The following ARHGAP10 variants were observed in gnomAD, a reference collection of about 807,000 sequenced individuals.
ARHGAP10 encodes Rho GTPase activating protein 10.
ARHGAP10 carries 87 observed loss-of-function variants against 108.6 expected under a neutral mutation model. The ratio of observed to expected loss-of-function variants is 0.80; its 90% confidence interval spans 0.67 to 0.96. ARHGAP10 has a LOEUF of 0.96. ARHGAP10 is among the 40% of genes least tolerant of loss of function. The probability of loss-of-function intolerance (pLI) is 0.00; values close to 1 mark genes in which losing one functional copy is unlikely to be tolerated. For synonymous variants in ARHGAP10, 347 were observed against 341.1 expected, an observed-to-expected ratio of 1.02 and a Z score of -0.19; for missense variants, 939 against 954.5, an observed-to-expected ratio of 0.98 and a Z score of 0.21.
At chr4:147,885,027 C>A (rs1240853126) in intron 10 of ARHGAP10, among the ~76,000 whole-genome samples, 2 of 151,590 alleles carry the variant, frequency 1.3e-5, no homozygotes, top group Non-Finnish European at 2.9e-5. Context: ...GGGGGTGGAG[C>A]CAAGTGGGGT....
chr4:147,906,123 T>C (rs1435059447), intron 10 of ARHGAP10, among the ~76,000 whole-genome samples: 1 of 152,130 alleles, frequency 6.6e-6, no homozygotes, highest in African/African-American at 2.4e-5. Context: ...TTCTTAACGC[T>C]CCTCTGCCAT....
At chr4:147,751,711 CAGTGTTTT>C (rs35458775) in intron 1 of ARHGAP10, among the ~76,000 whole-genome samples, 5,171 of 151,810 alleles carry the variant, frequency 0.034, 302 homozygotes, top group African/African-American at 0.12. Flanking sequence ...AGACTGTGCC[CAGTGTTTT>C]CACAGGAGTT....
chr4:148,041,258 A>G (rs1328795642), intron 19 of ARHGAP10, among the ~76,000 whole-genome samples: 1 of 152,220 alleles, frequency 6.6e-6, no homozygotes, highest in Admixed American at 6.5e-5. Flanking sequence ...TCTGTGAGGA[A>G]TAACAGAAAC....
chr4:147,788,296 A>C (rs1001196610), intron 1 of ARHGAP10, among the ~76,000 whole-genome samples: 1 of 152,120 alleles, frequency 6.6e-6, no homozygotes, highest in South Asian at 2.1e-4. Context: ...AATAAAAAAA[A>C]ATTAGCCAGG....
At chr4:148,055,197 T>G (rs370700874) in intron 20 of ARHGAP10, among the ~76,000 whole-genome samples, 3 of 152,012 alleles carry the variant, frequency 2.0e-5, no homozygotes, top group Non-Finnish European at 4.4e-5. Flanking sequence ...TCTAAGAGAG[T>G]GGACTTTGGG....
intron 18 of ARHGAP10, among the ~76,000 whole-genome samples, chr4:148,009,173 TC>T (rs1173417200): frequency 6.6e-6 from 1 of 151,730 alleles, no homozygotes; most frequent in Admixed American, 6.6e-5. Context: ...GCTTTGTCGC[TC>T]AGCTGGAGTG....
At position 147,835,159 on chromosome 4, in the gene ARHGAP10, C is replaced by T. The variant is rs544581563; in HGVS notation, c.313-11992C>T. On this transcript the variant is annotated intron_variant, in intron 3 of 22. Transcript: ENST00000336498. The stretch of plus-strand genomic sequence containing the variant: ...CACCGTGTTCTCACACCTGAGGATA[C>T]AATGAGGAAACCCTTGTCCAGAGTG... Among the ~76,000 whole-genome samples, 37 of 152,270 alleles carry T rather than the reference C, an allele frequency of 2.4e-4. 1 individual carries two copies. Among genetic ancestry groups the T allele is most frequent in the Admixed American group, 3.9e-4 (6 of 15,292 alleles).
intron 1 of ARHGAP10, among the ~76,000 whole-genome samples, chr4:147,790,191 G>A (rs557046082): frequency 1.3e-5 from 2 of 152,048 alleles, no homozygotes; most frequent in African/African-American, 2.4e-5. Flanking sequence ...CCTTCTTGCT[G>A]TGTCCTCACT....
intron 13 of ARHGAP10, among the ~76,000 whole-genome samples, chr4:147,934,726 C>T (rs1008448812): frequency 1.3e-5 from 2 of 152,096 alleles, no homozygotes; most frequent in Non-Finnish European, 1.5e-5. Flanking sequence ...CCCAGCTAGT[C>T]GAGGGGCTGA....
intron 20 of ARHGAP10, among the ~76,000 whole-genome samples, chr4:148,053,923 G>A (rs1439573264): frequency 1.3e-5 from 2 of 152,140 alleles, no homozygotes; most frequent in African/African-American, 4.8e-5. Flanking sequence ...AAGTCAGAAT[G>A]TTGATAGTCC....
intron 13 of ARHGAP10, among the ~76,000 whole-genome samples, chr4:147,935,067 G>A (rs887817121): frequency 6.6e-6 from 1 of 152,170 alleles, no homozygotes; most frequent in Non-Finnish European, 1.5e-5. Context: ...TGAAGAGAAG[G>A]GGAAGAGCAT....
At chr4:147,851,183 A>G (rs781647651) in intron 4 of ARHGAP10, among the ~76,000 whole-genome samples, 19 of 152,184 alleles carry the variant, frequency 1.2e-4, no homozygotes, top group Non-Finnish European at 2.1e-4. Context: ...TTCATTTCAC[A>G]AATTATGACT....
chr4:147,904,269 AT>A (rs1247877132), intron 10 of ARHGAP10, among the ~76,000 whole-genome samples: 1 of 151,896 alleles, frequency 6.6e-6, no homozygotes, highest in Non-Finnish European at 1.5e-5. Flanking sequence ...TTTAGGGTAC[AT>A]GTGCACAATG....
intron 1 of ARHGAP10, among the ~76,000 whole-genome samples, chr4:147,762,553 C>T (rs1404938285): frequency 3.4e-5 from 5 of 148,654 alleles, no homozygotes; most frequent in South Asian, 2.1e-4. Flanking sequence ...TTTTTTGAGA[C>T]GGAGTCTTGT....
At chr4:147,961,147 G>A (rs943149864) in intron 16 of ARHGAP10, among the ~76,000 whole-genome samples, 6 of 152,204 alleles carry the variant, frequency 3.9e-5, no homozygotes, top group Admixed American at 3.3e-4. Context: ...CTTCAGAGTG[G>A]TTGAACCCTT....
chr4:147,901,467 CA>C (rs932811776), intron 10 of ARHGAP10, among the ~76,000 whole-genome samples: 53 of 152,204 alleles, frequency 3.5e-4, no homozygotes, highest in African/African-American at 1.2e-3. Context: ...CATTATTTGC[CA>C]AAATATAAAC....
chr4:147,794,350 A>C (rs1436424152), intron 1 of ARHGAP10, among the ~76,000 whole-genome samples: 1 of 152,266 alleles, frequency 6.6e-6, no homozygotes, highest in African/African-American at 2.4e-5. Context: ...AATCTTTGCA[A>C]CATAATGTTA....
chr4:148,005,188 C>T (rs888014619), intron 18 of ARHGAP10, among the ~76,000 whole-genome samples: 1 of 152,206 alleles, frequency 6.6e-6, no homozygotes, highest in Non-Finnish European at 1.5e-5. Flanking sequence ...TTCCCAGTGT[C>T]TATAACGCTG....
chr4:147,795,771 T>G (rs1731296420), intron 1 of ARHGAP10, among the ~76,000 whole-genome samples: 1 of 151,896 alleles, frequency 6.6e-6, no homozygotes, highest in African/African-American at 2.4e-5. Flanking sequence ...CTTGGCTCAC[T>G]GTAACTTCTG....
Sources: allele counts gnomAD v4.1 joint callset (sites outside exome capture counted in the v4.1 genomes callset), GRCh38; gene constraint gnomAD v4.1.1; transcripts MANE v1.5; gene names NCBI Gene and HGNC (gene_info 2026-07-23, HGNC 2026-07-21).